The following PDS5A variants were observed in gnomAD, a reference collection of about 807,000 sequenced individuals.
PDS5A encodes the protein sister chromatid cohesion protein PDS5 homolog A.
A neutral mutation model predicts 167.1 loss-of-function variants in PDS5A; 42 were observed. That is an observed-to-expected ratio of 0.25 (90% CI 0.20 to 0.33). The LOEUF is 0.33. PDS5A is among the 10% of genes least tolerant of loss of function. The pLI is 1.00. For synonymous variants in PDS5A, 553 were observed against 554.6 expected, an observed-to-expected ratio of 1.00 and a Z score of 0.04; for missense variants, 1,033 against 1,605.9, an observed-to-expected ratio of 0.64 and a Z score of 6.10.
At chr4:39,948,312 CTTTTT>C (rs552182165) in intron 2 of PDS5A, among the ~76,000 whole-genome samples, 22 of 80,920 alleles carry the variant, frequency 2.7e-4, no homozygotes, top group African/African-American at 1.1e-3. Flanking sequence ...TGAATCAAAC[CTTTTT>C]TTTTTTTTTT....
At position 39,930,246 on chromosome 4, in the gene PDS5A, A is replaced by AAAAAAAAAAAAAAAATTTTTTTTTTT; in HGVS notation, c.139-2083_139-2082insAAAAAAAAAAATTTTTTTTTTTTTTT. On this transcript the variant is annotated intron_variant, in intron 2 of 32. Coordinates refer to ENST00000303538, the MANE Select transcript of PDS5A (RefSeq NM_001100399.2). The stretch of plus-strand genomic sequence containing the variant: ...AAAAAAAAAAAAAAAAAAAAAAAAA[A>AAAAAAAAAAAAAAAATTTTTTTTTTT]GTTTTTTTGTTTTTTGTTTTTTTTT... Among the ~76,000 whole-genome samples, 5 of 93,090 alleles carry AAAAAAAAAAAAAAAATTTTTTTTTTT rather than the reference A, an allele frequency of 5.4e-5. 1 individual carries two copies. The highest frequency in any genetic ancestry group is 9.8e-4 in the East Asian group (2 of 2,036). The allele number at this position is 93,090 out of a possible 152,430, so 61.1% of individuals were successfully genotyped here.
intron 11 of PDS5A, among the ~76,000 whole-genome samples, chr4:39,907,751 T>C (rs1003762061): frequency 6.6e-6 from 1 of 152,264 alleles, no homozygotes; most frequent in African/African-American, 2.4e-5. Context: ...CATGCTCAGC[T>C]AATTTTTTGT....
chr4:39,917,906 A>C (rs1028247234), intron 7 of PDS5A, among the ~76,000 whole-genome samples: 1 of 148,060 alleles, frequency 6.8e-6, no homozygotes, highest in Admixed American at 6.7e-5. Context: ...AATCAAAGGC[A>C]CAGCAGCACA....
chr4:39,879,628 A>T, intron 18 of PDS5A, 100 bp downstream of exon 18: 1 of 615,232 alleles, frequency 1.6e-6, no homozygotes. Flanking sequence ...AATCTTTCAA[A>T]TAGTTTCCTG....
chr4:39,919,475 C>A (rs1724714486), intron 7 of PDS5A, among the ~76,000 whole-genome samples: 1 of 152,108 alleles, frequency 6.6e-6, no homozygotes, highest in Non-Finnish European at 1.5e-5. Context: ...GAAACCCTGT[C>A]TCTACTAAAA....
intron 18 of PDS5A, among the ~76,000 whole-genome samples, chr4:39,879,512 A>T (rs1282747311): frequency 6.6e-6 from 1 of 152,200 alleles, no homozygotes; most frequent in Non-Finnish European, 1.5e-5. Flanking sequence ...CATGGAAATG[A>T]TAAACAGTGA....
At chr4:39,926,739 T>C (rs1162721058) in intron 4 of PDS5A, 36 bp downstream of exon 4, 1 of 1,259,154 alleles carries the variant, frequency 7.9e-7, no homozygotes, top group Admixed American at 3.7e-5. Flanking sequence ...TCATGTGAAA[T>C]AATGTTAATA....
rs750547795 is a variant in PDS5A at position 39,862,862 on chromosome 4, T to C, written c.2971+7A>G. On this transcript the variant is annotated splice_region_variant and intron_variant, in intron 25 of 32. Coordinates refer to ENST00000303538, the MANE Select transcript of PDS5A (RefSeq NM_001100399.2). ...TATTTGCACACGGAGAACTCTGAGT[T>C]ACTTACCAGTAGCCATAGGATTCTG... 15 of 1,570,032 alleles carry C rather than the reference T, an allele frequency of 9.6e-6. No homozygotes were observed. The highest frequency in any genetic ancestry group is 1.2e-5 in the Non-Finnish European group (14 of 1,147,024).
chr4:39,932,529 G>A, intron 2 of PDS5A: 1 of 215,624 alleles, frequency 4.6e-6, no homozygotes, highest in Non-Finnish European at 1.1e-5. Context: ...ATCTTCCGAT[G>A]GTCATGAATT....
chr4:39,881,851 T>G (rs1293781666), intron 17 of PDS5A, among the ~76,000 whole-genome samples: 10 of 152,236 alleles, frequency 6.6e-5, no homozygotes, highest in Admixed American at 3.9e-4. Context: ...AAGCCCCACA[T>G]GCCAAGGGCG....
chr4:39,881,597 A>G (rs1720935136), intron 17 of PDS5A, among the ~76,000 whole-genome samples: 1 of 152,168 alleles, frequency 6.6e-6, no homozygotes, highest in Non-Finnish European at 1.5e-5. Context: ...GTACAACTCA[A>G]TGGTGTTTAC....
intron 10 of PDS5A, among the ~76,000 whole-genome samples, chr4:39,909,413 C>T (rs1315065649): frequency 1.3e-5 from 2 of 152,146 alleles, no homozygotes; most frequent in Admixed American, 6.6e-5. Flanking sequence ...GCGTGAGCCA[C>T]CATGCCCATA....
chr4:39,855,509 T>C (rs1335570370), intron 26 of PDS5A, among the ~76,000 whole-genome samples: 1 of 152,202 alleles, frequency 6.6e-6, no homozygotes. Context: ...GAATTAACCC[T>C]GAGGAGGCCC....
chr4:39,935,308 G>A (rs1183193824), intron 2 of PDS5A, among the ~76,000 whole-genome samples: 4 of 152,190 alleles, frequency 2.6e-5, no homozygotes, highest in African/African-American at 4.8e-5. Context: ...ATGTTGGCCA[G>A]GCTGGTCTCA....
At chr4:39,976,320 T>C in intron 2 of PDS5A, 120 bp downstream of exon 2, 1 of 691,346 alleles carries the variant, frequency 1.4e-6, no homozygotes, top group Non-Finnish European at 2.4e-6. Flanking sequence ...AACAGTACCT[T>C]TCAGAGGGGG....
At chr4:39,900,394 A>T (rs1722777393) in intron 14 of PDS5A, 32 bp downstream of exon 14, 2 of 1,375,136 alleles carry the variant, frequency 1.5e-6, no homozygotes, top group African/African-American at 1.4e-5. Flanking sequence ...TGACTATAAT[A>T]AACTATGAAT....
In PDS5A at chr4:39,824,249, G is replaced by A. The variant is rs1578549792; in HGVS notation, c.*1236C>T. The A allele has an allele frequency of 6.6e-6, 1 of 152,218 alleles. No homozygotes were observed. The highest frequency in any genetic ancestry group is 2.1e-4 in the South Asian group (1 of 4,830). The allele number at this position is 152,218 out of a possible 1,614,324, so 9.4% of individuals were successfully genotyped here. A position where few individuals can be genotyped will look rare whatever the true frequency, so the allele number is the denominator to read the frequency against. ...GGAGAGTTGACTGTAATCATGTTATGACTTTAGCTCTTTAACATGAAAAAA... is the reference window on the plus strand; with the variant it reads ...GGAGAGTTGACTGTAATCATGTTATAACTTTAGCTCTTTAACATGAAAAAA... On this transcript the variant is annotated 3_prime_UTR_variant, in exon 33 of 33. Coordinates refer to ENST00000303538, the MANE Select transcript of PDS5A (RefSeq NM_001100399.2).
At chr4:39,882,194 A>G (rs1348881536) in intron 17 of PDS5A, among the ~76,000 whole-genome samples, 2 of 152,224 alleles carry the variant, frequency 1.3e-5, no homozygotes, top group Admixed American at 1.3e-4. Flanking sequence ...GCATTTCCCA[A>G]ATGAGTATTA....
At chr4:39,928,517 T>C (rs1314396064) in intron 2 of PDS5A, among the ~76,000 whole-genome samples, 4 of 152,216 alleles carry the variant, frequency 2.6e-5, no homozygotes, top group African/African-American at 9.6e-5. Context: ...CATCATTAAC[T>C]ATGCTTCTTT....
Sources: gnomAD v4.1 joint callset for allele counts (sites outside exome capture counted in the v4.1 genomes callset) on GRCh38, gnomAD v4.1.1 for gene constraint, MANE v1.5 for transcripts, NCBI Gene and HGNC (gene_info 2026-07-23, HGNC 2026-07-21) for gene names.